Variants in SCPEP1 observed in about 807,000 individuals in gnomAD.
The protein encoded by SCPEP1 is serine carboxypeptidase 1, also known as retinoid-inducible serine carboxypeptidase.
SCPEP1 carries 51 observed loss-of-function variants against 63.8 expected under a neutral mutation model. That is an observed-to-expected ratio of 0.80 (90% confidence interval 0.64 to 1.01). SCPEP1 has a LOEUF of 1.01. Ranked by LOEUF, SCPEP1 falls within the 50% of genes least tolerant of loss-of-function variation. SCPEP1 has a pLI of 0.00. For missense variants in SCPEP1, 499 were observed against 554.9 expected (o/e 0.90, Z 1.01); for synonymous variants, 204 against 207.8 (o/e 0.98, Z 0.16).
chr17:56,994,841 T>A (rs1911498597), intron 6 of SCPEP1, 140 bp from the exon 7 acceptor site: 1 of 687,972 alleles, frequency 1.5e-6, no homozygotes, highest in Admixed American at 2.2e-5. Flanking sequence ...TGGGTACAGG[T>A]GAATTGAGGA....
intron 12 of SCPEP1, among the ~76,000 whole-genome samples, chr17:57,003,330 T>G (rs966559825): frequency 2.6e-5 from 4 of 152,040 alleles, no homozygotes; most frequent in Non-Finnish European, 5.9e-5. Flanking sequence ...ATTAACAGAT[T>G]TGTCCAAGAA....
chr17:56,984,325 A>G (rs886137243), intron 2 of SCPEP1: 1 of 152,126 alleles, frequency 6.6e-6, no homozygotes, highest in African/African-American at 2.4e-5. Flanking sequence ...CTCAGCTGAC[A>G]GGGCCCTTCT....
At chr17:56,982,142 AC>A (rs1367994097) in intron 2 of SCPEP1, among the ~76,000 whole-genome samples, 2 of 151,718 alleles carry the variant, frequency 1.3e-5, no homozygotes, top group East Asian at 3.9e-4. Flanking sequence ...GAGATGGCCC[AC>A]CCCCACCCGG....
intron 8 of SCPEP1, among the ~76,000 whole-genome samples, chr17:56,996,326 T>C (rs1911558330): frequency 1.3e-5 from 2 of 151,812 alleles, no homozygotes. Flanking sequence ...TGCCTCAGCC[T>C]CCCGAGTAGC....
At chr17:56,985,228 G>A (rs1911180411) in intron 2 of SCPEP1, 150 bp from the exon 3 acceptor site, 2 of 642,888 alleles carry the variant, frequency 3.1e-6, no homozygotes, top group South Asian at 1.9e-5. Flanking sequence ...TGCTAATGTG[G>A]AAGTCCCTGG....
At chr17:56,981,938 A>G (rs1911080874) in intron 2 of SCPEP1, among the ~76,000 whole-genome samples, 1 of 152,178 alleles carries the variant, frequency 6.6e-6, no homozygotes, top group Non-Finnish European at 1.5e-5. Context: ...TTACCCCCAG[A>G]AAACCTGATC....
chr17:56,985,725 A>G (rs1911195775), intron 3 of SCPEP1, among the ~76,000 whole-genome samples: 1 of 151,624 alleles, frequency 6.6e-6, no homozygotes, highest in African/African-American at 2.4e-5. Context: ...TCAAAAACCT[A>G]CTACAGCAGA....
chr17:56,993,976 G>A (rs1911472497), intron 6 of SCPEP1, among the ~76,000 whole-genome samples: 1 of 152,248 alleles, frequency 6.6e-6, no homozygotes, highest in African/African-American at 2.4e-5. Context: ...TTAAGCCCGG[G>A]AGGTGATTAA....
At chr17:57,006,038 A>G in intron 12 of SCPEP1, 135 bp from the exon 13 acceptor site, 1 of 575,642 alleles carries the variant, frequency 1.7e-6, no homozygotes, top group Non-Finnish European at 3.1e-6. Context: ...TCTCTCAGGG[A>G]TGTGCCCAGG....
chr17:56,995,456 A>G (rs1440045512), intron 7 of SCPEP1, 51 bp from the exon 8 acceptor site: 3 of 1,593,418 alleles, frequency 1.9e-6, no homozygotes, highest in African/African-American at 2.7e-5. Flanking sequence ...GCAATACCAG[A>G]TTGACGTTCC....
At chr17:57,003,533 A>G (rs922574829) in intron 12 of SCPEP1, among the ~76,000 whole-genome samples, 1 of 152,140 alleles carries the variant, frequency 6.6e-6, no homozygotes, top group Non-Finnish European at 1.5e-5. Flanking sequence ...CTGCTCCAGC[A>G]TTGTGGTTTG....
At chr17:56,991,786 A>C (rs896508647) in intron 6 of SCPEP1, among the ~76,000 whole-genome samples, 1 of 152,216 alleles carries the variant, frequency 6.6e-6, no homozygotes, top group African/African-American at 2.4e-5. Context: ...CACTGTTGAC[A>C]TTGTGGGTCA....
In SCPEP1 at chr17:57,002,260, T is replaced by C. The variant is rs2144509783; in HGVS notation, c.1296+79T>C. Reference sequence around the variant, plus strand: ...AGGCGGTTATTATGCCTCTGTCCACTGCCCAGGTGGGTCTTGTAGGAAGTA... The same window carrying C: ...AGGCGGTTATTATGCCTCTGTCCACCGCCCAGGTGGGTCTTGTAGGAAGTA... On this transcript the variant is annotated intron_variant, in intron 12 of 12. Coordinates refer to ENST00000262288, the MANE Select transcript of SCPEP1 (RefSeq NM_021626.3). The C allele has an allele frequency of 3.5e-6, 5 of 1,426,454 alleles. No individual in the cohort carries two copies. In the East Asian group the frequency reaches 1.1e-4, roughly 32 times the overall value. The allele number at this position is 1,426,454 out of a possible 1,614,324, so 88.4% of individuals were successfully genotyped here.
chr17:56,986,761 G>T (rs1911232936), intron 3 of SCPEP1, among the ~76,000 whole-genome samples: 1 of 151,438 alleles, frequency 6.6e-6, no homozygotes, highest in Admixed American at 6.6e-5. Context: ...TAGCCAGGAT[G>T]GTCTCGATCT....
At chr17:56,995,211 ACACATCACTTTTTTC>A (rs1911510112) in intron 7 of SCPEP1, 193 bp downstream of exon 7, 1 of 568,566 alleles carries the variant, frequency 1.8e-6, no homozygotes, top group South Asian at 2.6e-5. Context: ...GAAAATCAGC[ACACATCACTTTTTTC>A]CAGATATAAG....
chr17:56,979,699 C>G (rs1368260476), intron 1 of SCPEP1, among the ~76,000 whole-genome samples: 1 of 152,100 alleles, frequency 6.6e-6, no homozygotes, highest in African/African-American at 2.4e-5. Context: ...TTAAAAAAAT[C>G]ATCTACATGA....
At position 56,996,207 on chromosome 17, in the gene SCPEP1, CTATTTATT is replaced by C. The variant is rs566592657; in HGVS notation, c.786+590_786+597del. On this transcript the variant is annotated intron_variant, in intron 8 of 12. Transcript: ENST00000262288. Reference sequence around the variant, plus strand: ...TATTTTTTACTTTTTCTTTTTTCCTCTATTTATTTATTTATTTATTTATTTTTGAGACA... The same window carrying C: ...TATTTTTTACTTTTTCTTTTTTCCTCTATTTATTTATTTATTTTTGAGACA... 9.0e-3 allele frequency among the ~76,000 whole-genome samples: 1,371 copies of C among 151,848 alleles called. 19 individuals carry two copies. The highest frequency in any genetic ancestry group is 0.032 in the African/African-American group (1,320 of 41,416).
At chr17:56,988,180 AGG>A (rs745433673) in intron 4 of SCPEP1, 34 bp from the exon 5 acceptor site, 16 of 1,397,966 alleles carry the variant, frequency 1.1e-5, no homozygotes, top group Non-Finnish European at 1.5e-5. Flanking sequence ...AAAGCAATCA[AGG>A]TAGTTAATTC....
At chr17:57,000,718 T>C in intron 10 of SCPEP1, 137 bp from the exon 11 acceptor site, 1 of 966,398 alleles carries the variant, frequency 1.0e-6, no homozygotes, top group Non-Finnish European at 1.6e-6. Context: ...ATTTCTGGGC[T>C]GGTTCATCCC....
Sources: gnomAD v4.1 joint callset for allele counts (sites outside exome capture counted in the v4.1 genomes callset) on GRCh38, gnomAD v4.1.1 for gene constraint, MANE v1.5 for transcripts, NCBI Gene and HGNC (gene_info 2026-07-23, HGNC 2026-07-21) for gene names.